Variants in ESF1 observed in about 807,000 individuals in gnomAD.
ESF1 encodes ESF1 nucleolar pre-rRNA processing protein, also known as ESF1 homolog.
ESF1 carries 58 observed loss-of-function variants against 92.0 expected under a neutral mutation model. That is an observed-to-expected ratio of 0.63 (90% CI 0.51 to 0.78). ESF1 has a LOEUF of 0.78. Among genes scored for constraint, ESF1 ranks in the 30% least tolerant of loss-of-function variants. ESF1 has a pLI of 0.00. For synonymous variants in ESF1, 321 were observed against 313.7 expected, an observed-to-expected ratio of 1.02 and a Z score of -0.24; for missense variants, 922 against 989.1, an observed-to-expected ratio of 0.93 and a Z score of 0.91.
intron 2 of ESF1, among the ~76,000 whole-genome samples, chr20:13,781,907 C>T (rs1293981164): frequency 5.3e-5 from 8 of 152,174 alleles, no homozygotes; most frequent in Non-Finnish European, 1.0e-4. Context: ...GACAGAGTCT[C>T]GCTCTGTCAG....
intron 9 of ESF1, among the ~76,000 whole-genome samples, chr20:13,757,386 C>T (rs1333218097): frequency 6.6e-6 from 1 of 152,024 alleles, no homozygotes; most frequent in African/African-American, 2.4e-5. Flanking sequence ...ATTTGCCCTA[C>T]ATTACTATGT....
At chr20:13,729,014 T>C (rs370943473) in intron 10 of ESF1, among the ~76,000 whole-genome samples, 1 of 152,156 alleles carries the variant, frequency 6.6e-6, no homozygotes, top group African/African-American at 2.4e-5. Context: ...ATCCCAGCAC[T>C]TTGAGAAGCT....
intron 9 of ESF1, among the ~76,000 whole-genome samples, chr20:13,743,831 G>A (rs1047473146): frequency 2.6e-4 from 39 of 152,250 alleles, no homozygotes; most frequent in African/African-American, 8.2e-4. Context: ...TTAATATCAC[G>A]TAGTAATCAT....
At chr20:13,750,314 G>A (rs1978572031) in intron 9 of ESF1, among the ~76,000 whole-genome samples, 1 of 152,144 alleles carries the variant, frequency 6.6e-6, no homozygotes, top group South Asian at 2.1e-4. Context: ...AGACCAGCCT[G>A]GCTAACATGG....
chr20:13,749,848 T>C (rs1467394327), intron 9 of ESF1, among the ~76,000 whole-genome samples: 21 of 152,044 alleles, frequency 1.4e-4, no homozygotes, highest in Admixed American at 1.4e-3. Context: ...ATTACAGGCA[T>C]GAGCCACCAT....
rs1028113208 is a variant in ESF1 at position 13,738,378 on chromosome 20, A to G, written c.1829-4536T>C. Among the ~76,000 whole-genome samples the G allele has an allele frequency of 4.0e-5, 6 of 151,776 alleles. 1 individual carries two copies. In the South Asian group the frequency reaches 1.2e-3, roughly 32 times the overall value. On this transcript the variant is annotated intron_variant, in intron 9 of 13. Coordinates refer to ENST00000617257, the MANE Select transcript of ESF1 (RefSeq NM_001276380.2). ...GCCCAGGCTGGAGTGCAGTAGTGCA[A>G]TCACAGCTCACTGCAGCCTAGATGT...
At chr20:13,765,484 T>C (rs1310970170) in intron 8 of ESF1, among the ~76,000 whole-genome samples, 2 of 152,252 alleles carry the variant, frequency 1.3e-5, no homozygotes, top group African/African-American at 4.8e-5. Context: ...TGTTTTGCTC[T>C]GAGATCATTT....
chr20:13,769,402 G>A (rs751701232), intron 7 of ESF1, among the ~76,000 whole-genome samples: 13 of 152,132 alleles, frequency 8.5e-5, no homozygotes, highest in Admixed American at 2.0e-4. Flanking sequence ...GCTTAAATGC[G>A]TAACAAGAAT....
At chr20:13,741,290 G>A (rs1435684756) in intron 9 of ESF1, among the ~76,000 whole-genome samples, 1 of 152,096 alleles carries the variant, frequency 6.6e-6, no homozygotes, top group Non-Finnish European at 1.5e-5. Context: ...CTCCACCAAG[G>A]ATACCACATA....
intron 11 of ESF1, among the ~76,000 whole-genome samples, chr20:13,720,343 G>C (rs1475199555): frequency 6.6e-6 from 1 of 151,896 alleles, no homozygotes. Context: ...CCCCCGCTGG[G>C]CACTGTACCA....
At chr20:13,722,244 G>GA (rs1310948788) in intron 11 of ESF1, among the ~76,000 whole-genome samples, 3 of 150,934 alleles carry the variant, frequency 2.0e-5, no homozygotes, top group East Asian at 3.9e-4. Context: ...AAGGGAGAAA[G>GA]AAAAAAAAAT....
Position 13,733,832 on chromosome 20 carries a change from T to G in ESF1, c.1839A>C (p.Glu613Asp). The G allele has an allele frequency of 6.2e-7, 1 of 1,608,716 alleles. No homozygotes were observed. Among genetic ancestry groups the G allele is most frequent in the South Asian group, 1.1e-5 (1 of 89,504 alleles). Reference sequence around the variant, plus strand: ...TGTTTTTGACCATCTCTTCTGCACTTTCTTTAAGACCTGAGGAAAAATCCA... The same window carrying G: ...TGTTTTTGACCATCTCTTCTGCACTGTCTTTAAGACCTGAGGAAAAATCCA... ...MEIKWVPGLK[E>D]SAEEMVKNKL... is the part of the protein sequence containing the mutation. Residue 613 changes from glutamate (E) to aspartate (D), a missense_variant, in exon 10 of 14, where the codon GAA (glutamate) becomes GAC (aspartate). Glu to Asp is a conservative substitution (Grantham distance 45). Transcript: ENST00000617257.
intron 5 of ESF1, among the ~76,000 whole-genome samples, chr20:13,771,767 TAC>T (rs1227533073): frequency 6.6e-6 from 1 of 152,120 alleles, no homozygotes; most frequent in Non-Finnish European, 1.5e-5. Context: ...ACTTTGCTAT[TAC>T]ACACTGCCTT....
intron 8 of ESF1, among the ~76,000 whole-genome samples, chr20:13,761,046 T>C (rs1161223759): frequency 6.6e-6 from 1 of 151,974 alleles, no homozygotes; most frequent in Non-Finnish European, 1.5e-5. Context: ...AGAAAAATTC[T>C]TCTGCCTTGG....
chr20:13,742,153 G>A (rs1162409335), intron 9 of ESF1, among the ~76,000 whole-genome samples: 2 of 152,152 alleles, frequency 1.3e-5, no homozygotes, highest in Admixed American at 6.5e-5. Flanking sequence ...GATTACCTGA[G>A]GTCAGGAGTT....
chr20:13,763,290 A>G (rs1021762353), intron 8 of ESF1, among the ~76,000 whole-genome samples: 3 of 152,254 alleles, frequency 2.0e-5, no homozygotes, highest in Non-Finnish European at 2.9e-5. Flanking sequence ...GGGGTTTAGT[A>G]AACCTAATCT....
chr20:13,750,805 C>G (rs922839051), intron 9 of ESF1, among the ~76,000 whole-genome samples: 1 of 152,016 alleles, frequency 6.6e-6, no homozygotes, highest in Non-Finnish European at 1.5e-5. Context: ...GTAGTAAGAG[C>G]CTGGCTCTAC....
intron 9 of ESF1, among the ~76,000 whole-genome samples, chr20:13,748,151 C>A (rs1978364911): frequency 6.6e-6 from 1 of 152,122 alleles, no homozygotes; most frequent in Non-Finnish European, 1.5e-5. Context: ...CCATAGCTTG[C>A]CTTATAAAGC....
At chr20:13,760,643 C>T (rs1330627848) in intron 8 of ESF1, among the ~76,000 whole-genome samples, 3 of 151,696 alleles carry the variant, frequency 2.0e-5, no homozygotes, top group Non-Finnish European at 4.4e-5. Context: ...GCCCGGCAGC[C>T]GCCCTGTCCG....
Sources: gnomAD v4.1 joint callset for allele counts (sites outside exome capture counted in the v4.1 genomes callset) on GRCh38, gnomAD v4.1.1 for gene constraint, MANE v1.5 for transcripts, NCBI Gene and HGNC (gene_info 2026-07-23, HGNC 2026-07-21) for gene names.